THBS2: variants seen among roughly 807,000 people sequenced by gnomAD.
THBS2 encodes thrombospondin-2.
THBS2 carries 47 observed loss-of-function variants against 135.2 expected under a neutral mutation model. The ratio of observed to expected loss-of-function variants is 0.35; its 90% CI spans 0.28 to 0.44. The LOEUF (loss-of-function observed/expected upper bound fraction) is 0.44, where lower values mean the gene tolerates loss of function less well. THBS2 is among the 20% of genes least tolerant of loss of function. The probability of loss-of-function intolerance (pLI) is 1.00; values close to 1 mark genes in which losing one functional copy is unlikely to be tolerated. For synonymous variants in THBS2, 639 were observed against 633.8 expected, an observed-to-expected ratio of 1.01 and a Z score of -0.12; for missense variants, 1,288 against 1,603.1, an observed-to-expected ratio of 0.80 and a Z score of 3.36.
rs552477284 is a variant in THBS2, at chr6:169,247,541, G to A, written c.609+876C>T. Among the ~76,000 whole-genome samples the A allele has an allele frequency of 1.2e-4, 18 of 152,204 alleles. No homozygotes were observed. In the East Asian group the frequency reaches 2.3e-3, roughly 20 times the overall value. On this transcript the variant is annotated intron_variant, in intron 3 of 21. Transcript: ENST00000617924. ...GTGTTTATGTGTGGGGGATGTGTGA[G>A]TGTATGTATGGTGTTTGTGTAGGTA...
chr6:169,250,759 G>A lies in THBS2; in HGVS notation c.26C>T (p.Ala9Val), dbSNP rs1187845851. ...TTGCGTGCTGGGCCACACCCACAGA[G>A]CCAGCAGGACCAGCCTCCAGACCAT... MVWRLVLLALWVWPSTQAG... is the reference protein window; with the variant it reads MVWRLVLLVLWVWPSTQAG... The change falls in exon 2 of 22, where the codon GCT becomes GTT. Residue 9 changes from alanine (A) to valine (V), a missense_variant. Physicochemically the swap from Ala to Val is moderately conservative, Grantham distance 64. Coordinates refer to ENST00000617924, the MANE Select transcript of THBS2 (RefSeq NM_003247.5). 3 of 1,613,732 alleles carry A rather than the reference G, an allele frequency of 1.9e-6. No individual in the cohort carries two copies. The highest frequency in any genetic ancestry group is 1.7e-5 in the Admixed American group (1 of 59,986).
At chr6:169,221,915 G>C (rs1779443946) in intron 19 of THBS2, among the ~76,000 whole-genome samples, 1 of 151,990 alleles carries the variant, frequency 6.6e-6, no homozygotes, top group African/African-American at 2.4e-5. Context: ...TTATATCTTT[G>C]ATCATTATGT....
rs554795485 is a variant in THBS2 at position 169,216,923 on chromosome 6, A to T, written c.*899T>A. 4.7e-4 allele frequency: 71 copies of T among 152,372 alleles called. No individual in the cohort carries two copies. Among genetic ancestry groups the T allele is most frequent in the African/African-American group, 1.6e-3 (65 of 41,584 alleles). 9.4% of individuals were successfully genotyped at this position (152,372 alleles called of 1,614,324 possible). On this transcript the variant is annotated 3_prime_UTR_variant, in exon 22 of 22. Transcript: ENST00000617924. ...TTACCAAAGCCTAGATACGCGTTAG[A>T]TGCGCCTTTTCCGGCCTGTGCGTCT...
At chr6:169,234,190 C>G (rs1021058247) in intron 10 of THBS2, among the ~76,000 whole-genome samples, 1 of 151,002 alleles carries the variant, frequency 6.6e-6, no homozygotes, top group Admixed American at 6.6e-5. Context: ...ATGCCACAGT[C>G]CACACCACAC....
rs1779576971 is a variant in THBS2, at chr6:169,225,147, T to C, written c.2771A>G (p.Asp924Gly). ...LVFNPDQEDL[D>G]GDGRGDICKD... ...CCATGAGCTGAGAGAGCACCCACCG[T>C]CCAAGTCCTCCTGGTCTGGGTTGAA... is the stretch of plus-strand genomic sequence containing the variant. The change falls in exon 17 of 22, where the codon GAC (aspartate) becomes GGC (glycine). Residue 924 changes from aspartate (D) to glycine (G), a missense_variant and splice_region_variant. Coordinates refer to ENST00000617924, the MANE Select transcript of THBS2 (RefSeq NM_003247.5). 3.7e-6 allele frequency: 6 copies of C among 1,614,000 alleles called. No homozygotes were observed. The highest frequency in any genetic ancestry group is 4.2e-6 in the Non-Finnish European group (5 of 1,179,994).
intron 1 of THBS2, 108 bp from the exon 2 acceptor site, chr6:169,250,914 T>C (rs1780729390): frequency 1.6e-6 from 1 of 637,302 alleles, no homozygotes; most frequent in African/African-American, 1.9e-5. Flanking sequence ...AGTTTGCATA[T>C]AAAACTCAGC....
At chr6:169,242,889 CCTTCCCAGTGCTCCCAT>C in intron 4 of THBS2, among the ~76,000 whole-genome samples, 2 of 100,882 alleles carry the variant, frequency 2.0e-5, no homozygotes, top group Non-Finnish European at 2.0e-5. Context: ...ACCACTCCCA[CCTTCCCAGTGCTCCCAT>C]CTTCCCACCT....
rs1431727061 is a variant in THBS2 at position 169,236,640 on chromosome 6, C to T, written c.1477+530G>A. Among the ~76,000 whole-genome samples, 31 of 141,530 alleles carry T rather than the reference C, an allele frequency of 2.2e-4. 1 individual carries two copies. Among genetic ancestry groups the T allele is most frequent in the African/African-American group, 7.9e-4 (30 of 38,090 alleles). The allele number at this position is 141,530 out of a possible 152,430, so 92.8% of individuals were successfully genotyped here. On this transcript the variant is annotated intron_variant, in intron 9 of 21. Coordinates refer to ENST00000617924, the MANE Select transcript of THBS2 (RefSeq NM_003247.5). Reference sequence around the variant, plus strand: ...CGCCATCCACACTCACTCCCATCCACACTCGCCATCCACACTCACTCCCAT... The same window carrying T: ...CGCCATCCACACTCACTCCCATCCATACTCGCCATCCACACTCACTCCCAT...
In THBS2 at chr6:169,252,612, G is replaced by A. The variant is rs572508413; in HGVS notation, c.-23+1112C>T. On this transcript the variant is annotated intron_variant, in intron 1 of 21. Transcript: ENST00000617924. The surrounding 1 kb of genome is among the most constrained non-coding windows in gnomAD (Gnocchi z 4.3). ...AGGCTAACAAAGCATCCCCTGCTGC[G>A]GATTGTCAAAGGACAGTGAGGCTCC... Among the ~76,000 whole-genome samples the A allele has an allele frequency of 6.6e-6, 1 of 152,306 alleles. No individual in the cohort carries two copies. The highest frequency in any genetic ancestry group is 2.1e-4 in the South Asian group (1 of 4,828).
In THBS2 at chr6:169,235,743, C is replaced by T. The variant is rs530027341; in HGVS notation, c.1478-836G>A. ...ACTCACTTCCATCCACACTCACTGC[C>T]CATCCACACTCACTGCCCATACAAC... On this transcript the variant is annotated intron_variant, in intron 9 of 21. Coordinates refer to ENST00000617924, the MANE Select transcript of THBS2 (RefSeq NM_003247.5). 5.9e-3 allele frequency among the ~76,000 whole-genome samples: 886 copies of T among 150,270 alleles called. 3 individuals are homozygous for T. Among genetic ancestry groups the T allele is most frequent in the South Asian group, 0.012 (55 of 4,684 alleles).
In THBS2 at chr6:169,242,879, ACCACTCCCACCTTCCCAGTGCTCCCATC is replaced by A. The variant is rs1562363305; in HGVS notation, c.695-949_695-922del. Among the ~76,000 whole-genome samples the A allele has an allele frequency of 9.3e-4, 23 of 24,752 alleles. 1 individual carries two copies. Among genetic ancestry groups the A allele is most frequent in the Non-Finnish European group, 1.2e-3 (16 of 13,618 alleles). The allele number at this position is 24,752 out of a possible 152,430, so 16.2% of individuals were successfully genotyped here. A position where few individuals can be genotyped will look rare whatever the true frequency, so the allele number is the denominator to read the frequency against. On this transcript the variant is annotated intron_variant, in intron 4 of 21. Transcript: ENST00000617924. Reference sequence around the variant, plus strand: ...CACCTTCCCACCTTCCCACCTTCCCACCACTCCCACCTTCCCAGTGCTCCCATCTTCCCACCTTCCCACCACTCCCACC... The same window carrying A: ...CACCTTCCCACCTTCCCACCTTCCCATTCCCACCTTCCCACCACTCCCACC...
chr6:169,234,738 G>A lies in THBS2; in HGVS notation c.1647C>T (p.Pro549=), dbSNP rs751670518. 1.1e-5 allele frequency: 18 copies of A among 1,568,230 alleles called. No individual in the cohort carries two copies. The highest frequency in any genetic ancestry group is 1.8e-5 in the Admixed American group (1 of 56,380). The change falls in exon 10 of 22, where the codon CCC becomes CCT. Residue 549 remains proline, a synonymous_variant. Coordinates refer to ENST00000617924, the MANE Select transcript of THBS2 (RefSeq NM_003247.5). ...CCGCTTCTACCCCTCACTCACCCAC[G>A]GGGCAGCTCCTCTTGTTGCACATCT... is the stretch of plus-strand genomic sequence containing the variant. ...ERQMCNKRSC[P]VDGCLSNPCF... is the part of the protein sequence containing the mutation.
intron 17 of THBS2, among the ~76,000 whole-genome samples, chr6:169,224,425 G>C (rs568310066): frequency 6.6e-6 from 1 of 152,312 alleles, no homozygotes; most frequent in South Asian, 2.1e-4. Flanking sequence ...CACAGGAGCT[G>C]CCCTTCTGAT....
intron 7 of THBS2, among the ~76,000 whole-genome samples, chr6:169,238,055 T>C (rs979295336): frequency 6.6e-5 from 10 of 152,170 alleles, no homozygotes; most frequent in African/African-American, 2.2e-4. Context: ...ACTATTAGGG[T>C]GCTGAGGGGA....
At chr6:169,231,503 A>G (rs1779832318) in intron 13 of THBS2, among the ~76,000 whole-genome samples, 1 of 152,194 alleles carries the variant, frequency 6.6e-6, no homozygotes, top group African/African-American at 2.4e-5. Context: ...AAAGCAGTCC[A>G]GCCTGGGATG....
chr6:169,237,598 CGCGGGTGTCACCTGCCCGACACTCACT>C lies in THBS2; in HGVS notation c.1300_1300+26del, dbSNP rs1562360667. On this transcript the variant is annotated splice_donor_variant and splice_donor_5th_base_variant and coding_sequence_variant and intron_variant, in exon 8 of 22. Coordinates refer to ENST00000617924, the MANE Select transcript of THBS2 (RefSeq NM_003247.5). LOFTEE classifies it high-confidence loss of function. The stretch of plus-strand genomic sequence containing the variant: ...AAACGCGGCCCCACCCCCACAGGCA[CGCGGGTGTCACCTGCCCGACACTCACT>C]GCGGGTGTCACACTTGCTCAGACTG... 1 of 1,610,232 alleles carries C rather than the reference CGCGGGTGTCACCTGCCCGACACTCACT, an allele frequency of 6.2e-7. No individual in the cohort carries two copies. Among genetic ancestry groups the C allele is most frequent in the Non-Finnish European group, 8.5e-7 (1 of 1,179,788 alleles).
chr6:169,224,543 G>GCCCCACTC (rs1779550537), intron 17 of THBS2, among the ~76,000 whole-genome samples: 1 of 152,150 alleles, frequency 6.6e-6, no homozygotes, highest in South Asian at 2.1e-4. Context: ...TGTCAGCCAG[G>GCCCCACTC]CCCCACTCCA....
intron 19 of THBS2, 99 bp from the exon 20 acceptor site, chr6:169,221,626 T>G (rs1583404096): frequency 2.0e-6 from 2 of 1,023,750 alleles, no homozygotes; most frequent in African/African-American, 1.6e-5. Context: ...ACTTTGCAAG[T>G]TCATGCTTAA....
chr6:169,231,864 G>A, intron 13 of THBS2, 116 bp downstream of exon 13: 1 of 1,223,574 alleles, frequency 8.2e-7, no homozygotes. Flanking sequence ...AGGCCTGAGA[G>A]ACCCTCCTTC....
Sources: gnomAD v4.1 joint callset for allele counts (sites outside exome capture counted in the v4.1 genomes callset) on GRCh38, gnomAD v4.1.1 for gene constraint, Gnocchi (gnomAD v3.1) non-coding constraint, MANE v1.5 for transcripts, NCBI Gene and HGNC (gene_info 2026-07-23, HGNC 2026-07-21) for gene names.